PDE11A: variants seen among roughly 807,000 people sequenced by gnomAD.
The protein encoded by PDE11A is phosphodiesterase 11A.
Under a neutral mutation model 100.5 loss-of-function variants are expected in PDE11A, and 100 were observed. The ratio of observed to expected loss-of-function variants is 1.00; its 90% CI spans 0.85 to 1.18. The LOEUF is 1.18. PDE11A is among the 50% of genes most tolerant of loss of function. PDE11A has a pLI of 0.00. For synonymous variants in PDE11A, 381 were observed against 420.8 expected, an observed-to-expected ratio of 0.91 and a Z score of 1.16; for missense variants, 1,141 against 1,152.6, an observed-to-expected ratio of 0.99 and a Z score of 0.15.
At chr2:177,933,758 C>T (rs2085238077) in intron 2 of PDE11A, among the ~76,000 whole-genome samples, 1 of 152,054 alleles carries the variant, frequency 6.6e-6, no homozygotes, top group Admixed American at 6.6e-5. Context: ...CTATAGTAAT[C>T]AAAACAGCAT....
At chr2:177,692,567 A>G (rs923293082) in intron 15 of PDE11A, among the ~76,000 whole-genome samples, 1 of 152,216 alleles carries the variant, frequency 6.6e-6, no homozygotes, top group Non-Finnish European at 1.5e-5. Context: ...CTACTTAATT[A>G]TCAAATCCTT....
intron 9 of PDE11A, among the ~76,000 whole-genome samples, chr2:177,802,037 T>A (rs1321831239): frequency 6.6e-6 from 1 of 151,888 alleles, no homozygotes; most frequent in African/African-American, 2.4e-5. Flanking sequence ...AGCAATCCTA[T>A]TAAAAGTGGG....
Position 177,840,318 on chromosome 2 carries a change from A to C in PDE11A, c.1433T>G (p.Leu478Arg). ...DWLINNSIAE[L>R]VASTGLPVNI... ...CACTGGAAGGCCTGTTGAAGCAACC[A>C]GCTCAGCAATGCTGTTATTTATTAG... The change falls in exon 6 of 20, where the codon CTG becomes CGG. Residue 478 changes from leucine (L) to arginine (R), a missense_variant. By Grantham distance (102) the Leu-to-Arg change is moderately radical. Coordinates refer to ENST00000286063, the MANE Select transcript of PDE11A (RefSeq NM_016953.4). 6.2e-7 allele frequency: 1 copy of C among 1,613,802 alleles called. No homozygotes were observed. Among genetic ancestry groups the C allele is most frequent in the African/African-American group, 1.3e-5 (1 of 75,058 alleles).
intron 19 of PDE11A, among the ~76,000 whole-genome samples, chr2:177,637,417 C>T (rs1419706918): frequency 1.3e-5 from 2 of 152,146 alleles, no homozygotes; most frequent in African/African-American, 4.8e-5. Flanking sequence ...TTAGGCATGC[C>T]TGTAGCACAC....
At chr2:177,758,100 T>C (rs2082116348) in intron 10 of PDE11A, among the ~76,000 whole-genome samples, 1 of 149,794 alleles carries the variant, frequency 6.7e-6, no homozygotes, top group African/African-American at 2.5e-5. Context: ...ATCGAGACCA[T>C]CCTGGCTAAC....
chr2:177,794,992 G>T (rs534116602), intron 9 of PDE11A, among the ~76,000 whole-genome samples: 1 of 152,046 alleles, frequency 6.6e-6, no homozygotes, highest in African/African-American at 2.4e-5. Flanking sequence ...TCACTATGTT[G>T]ACCAGGCTGG....
chr2:178,087,468 T>C (rs1156263537), intron 2 of PDE11A, among the ~76,000 whole-genome samples: 1 of 152,018 alleles, frequency 6.6e-6, no homozygotes, highest in Admixed American at 6.6e-5. Flanking sequence ...TTAACTTTAA[T>C]GAAACAAGAC....
At chr2:178,067,296 A>G (rs2087059773) in intron 1 of PDE11A, among the ~76,000 whole-genome samples, 1 of 152,150 alleles carries the variant, frequency 6.6e-6, no homozygotes, top group Non-Finnish European at 1.5e-5. Flanking sequence ...TGATCATGCT[A>G]AGATATTTTT....
At chr2:177,673,646 G>C (rs1033703046) in intron 17 of PDE11A, among the ~76,000 whole-genome samples, 3 of 152,218 alleles carry the variant, frequency 2.0e-5, no homozygotes, top group Non-Finnish European at 4.4e-5. Context: ...TGCCGTGACT[G>C]ATGGGACATT....
intron 2 of PDE11A, among the ~76,000 whole-genome samples, chr2:177,951,899 G>A (rs931299685): frequency 6.6e-6 from 1 of 152,048 alleles, no homozygotes; most frequent in African/African-American, 2.4e-5. Context: ...ATTGTTTAGG[G>A]GAAAAAAAGG....
intron 6 of PDE11A, among the ~76,000 whole-genome samples, chr2:177,837,643 G>A (rs2083427074): frequency 6.6e-6 from 1 of 152,038 alleles, no homozygotes; most frequent in East Asian, 1.9e-4. Context: ...TCCCTTCCAT[G>A]AACAACTTCT....
chr2:177,851,373 C>A (rs999507594), intron 5 of PDE11A, among the ~76,000 whole-genome samples: 1 of 151,800 alleles, frequency 6.6e-6, no homozygotes, highest in East Asian at 1.9e-4. Flanking sequence ...ACATCACACA[C>A]CAGGCCTGTC....
At chr2:177,881,752 T>G (rs1437750244) in intron 4 of PDE11A, among the ~76,000 whole-genome samples, 3 of 152,248 alleles carry the variant, frequency 2.0e-5, no homozygotes, top group Admixed American at 2.0e-4. Context: ...TTAATTTAAG[T>G]ATTGTCTGTG....
chr2:178,103,407 G>T (rs979436739), intron 2 of PDE11A, among the ~76,000 whole-genome samples: 2 of 152,056 alleles, frequency 1.3e-5, no homozygotes, highest in Non-Finnish European at 2.9e-5. Context: ...AGTTGTTCTG[G>T]AGTGATAAAA....
At chr2:178,074,429 G>A (rs1574385297), upstream of PDE11A, among the ~76,000 whole-genome samples, 1 of 152,094 alleles carries the variant, frequency 6.6e-6, no homozygotes, top group African/African-American at 2.4e-5. Flanking sequence ...CCCTGAGACT[G>A]GTGATAATAC....
At chr2:177,746,643 A>G (rs142606145) in intron 10 of PDE11A, among the ~76,000 whole-genome samples, 2 of 152,366 alleles carry the variant, frequency 1.3e-5, no homozygotes, top group East Asian at 3.9e-4. Context: ...CTAAAAGATA[A>G]CATCTATGGA....
chr2:178,055,623 T>C (rs144431034), intron 1 of PDE11A, among the ~76,000 whole-genome samples: 109 of 152,190 alleles, frequency 7.2e-4, no homozygotes, highest in Non-Finnish European at 1.4e-3. Context: ...AAAGAGAAAA[T>C]TAATAATGGA....
chr2:177,690,305 G>A (rs980982007), intron 15 of PDE11A, among the ~76,000 whole-genome samples: 8 of 152,060 alleles, frequency 5.3e-5, no homozygotes, highest in African/African-American at 1.9e-4. Context: ...ATAGAGTAAT[G>A]GCTTAAGTTT....
rs750098310 is a variant in PDE11A, at chr2:178,068,231, GT to G, written c.912+3294del. ...CTGGACTGGATACCTAAAAATGAAT[GT>G]TTTTTTTTTTTCCATTTACGATTTA... On this transcript the variant is annotated intron_variant, in intron 1 of 19. Coordinates refer to ENST00000286063, the MANE Select transcript of PDE11A (RefSeq NM_016953.4). Among the ~76,000 whole-genome samples the G allele has an allele frequency of 6.0e-3, 862 of 144,308 alleles. 6 individuals are homozygous for G. The highest frequency in any genetic ancestry group is 0.011 in the Admixed American group (162 of 14,440). 94.7% of individuals were successfully genotyped at this position (144,308 alleles called of 152,430 possible). A position where few individuals can be genotyped will look rare whatever the true frequency, so the allele number is the denominator to read the frequency against.
Sources: gnomAD v4.1 joint callset for allele counts (sites outside exome capture counted in the v4.1 genomes callset) on GRCh38, gnomAD v4.1.1 for gene constraint, MANE v1.5 for transcripts, NCBI Gene and HGNC (gene_info 2026-07-23, HGNC 2026-07-21) for gene names.